Variants in GPC5 observed in about 807,000 individuals in gnomAD.
The protein encoded by GPC5 is glypican-5.
GPC5 carries 47 observed loss-of-function variants against 53.9 expected under a neutral mutation model. That is an observed-to-expected ratio of 0.87 (90% confidence interval 0.69 to 1.11). The LOEUF is 1.11. Ranked by LOEUF, GPC5 falls within the 50% of genes most tolerant of loss-of-function variation. The pLI is 0.00. For synonymous variants in GPC5, 286 were observed against 263.3 expected (o/e 1.09, Z -0.84); for missense variants, 748 against 713.1 (o/e 1.05, Z -0.56).
chr13:92,804,748 G>A (rs1877030395), intron 7 of GPC5, among the ~76,000 whole-genome samples: 1 of 152,026 alleles, frequency 6.6e-6, no homozygotes, highest in African/African-American at 2.4e-5. Context: ...ATATGGTGCT[G>A]TTTCACAGCA....
intron 6 of GPC5, among the ~76,000 whole-genome samples, chr13:92,023,229 T>A (rs1448374043): frequency 2.0e-5 from 3 of 152,004 alleles, no homozygotes; most frequent in African/African-American, 7.2e-5. Flanking sequence ...TCTGGTCAAT[T>A]TTTTTTATAT....
chr13:91,935,211 GA>G (rs769113771), intron 6 of GPC5, among the ~76,000 whole-genome samples: 24 of 152,078 alleles, frequency 1.6e-4, no homozygotes, highest in Admixed American at 2.6e-4. Flanking sequence ...AATCTCATCT[GA>G]ATTGCTAATC....
intron 5 of GPC5, among the ~76,000 whole-genome samples, chr13:91,907,353 T>C (rs1484168895): frequency 6.8e-6 from 1 of 147,532 alleles, no homozygotes; most frequent in Admixed American, 6.9e-5. Context: ...TAATCACTTA[T>C]TACTTGGAGG....
At chr13:92,285,531 AC>A (rs201376030) in intron 7 of GPC5, among the ~76,000 whole-genome samples, 4,293 of 152,308 alleles carry the variant, frequency 0.028, 216 homozygotes, top group African/African-American at 0.098. Context: ...TGGTAGTGGT[AC>A]CACAACAGAG....
intron 2 of GPC5, among the ~76,000 whole-genome samples, chr13:91,467,397 T>G (rs1408452693): frequency 6.6e-6 from 1 of 152,170 alleles, no homozygotes; most frequent in Admixed American, 6.6e-5. Context: ...GGAAGTTAGC[T>G]TGGAGACATG....
intron 2 of GPC5, among the ~76,000 whole-genome samples, chr13:91,542,850 A>ATTTTTT (rs3055888): frequency 4.4e-5 from 3 of 68,228 alleles, no homozygotes; most frequent in African/African-American, 5.3e-5. Context: ...TGCCCAGCCA[A>ATTTTTT]TTTTTTTTTT....
intron 7 of GPC5, among the ~76,000 whole-genome samples, chr13:92,285,818 G>C (rs2042950170): frequency 6.6e-6 from 1 of 152,058 alleles, no homozygotes; most frequent in Non-Finnish European, 1.5e-5. Context: ...CACCATTCAG[G>C]ACATAGGCAT....
chr13:91,723,314 A>G (rs1237251400), intron 3 of GPC5, among the ~76,000 whole-genome samples: 1 of 151,804 alleles, frequency 6.6e-6, no homozygotes, highest in South Asian at 2.1e-4. Context: ...TTTACATTTT[A>G]TATACATTTT....
rs557029429 is a variant in GPC5 at position 91,916,697 on chromosome 13, G to A, written c.1401+8640G>A. ...TGACTCACAGTTGTGCATTGCTGGG[G>A]GGTCCTCAGGAACCTTACAATCATG... is the stretch of plus-strand genomic sequence containing the variant. On this transcript the variant is annotated intron_variant, in intron 6 of 7. Transcript: ENST00000377067. 1.2e-4 allele frequency among the ~76,000 whole-genome samples: 19 copies of A among 152,246 alleles called. No homozygotes were observed. The South Asian group carries it at 3.9e-3, about 32-fold the overall frequency.
rs903153337 is a variant in GPC5, at chr13:91,611,847, C to A, written c.326-81340C>A. On this transcript the variant is annotated intron_variant, in intron 2 of 7. Transcript: ENST00000377067. Reference sequence around the variant, plus strand: ...CAGCTCTCCTGATGCTCTCTTTTTCCTTCCTGATGAGACATACACCTGAAC... The same window carrying A: ...CAGCTCTCCTGATGCTCTCTTTTTCATTCCTGATGAGACATACACCTGAAC... 3.3e-5 allele frequency among the ~76,000 whole-genome samples: 5 copies of A among 152,126 alleles called. No individual in the cohort carries two copies. In the South Asian group the frequency reaches 1.0e-3, roughly 32 times the overall value.
At chr13:91,978,034 T>C (rs1566375125) in intron 6 of GPC5, among the ~76,000 whole-genome samples, 1 of 151,914 alleles carries the variant, frequency 6.6e-6, no homozygotes, top group African/African-American at 2.4e-5. Context: ...ACACTTGTAG[T>C]CCCAGCTACA....
intron 6 of GPC5, among the ~76,000 whole-genome samples, chr13:92,016,727 C>CTTTTTTTTTTTTTTTTTTTTT (rs5805722): frequency 7.0e-6 from 1 of 143,630 alleles, no homozygotes. Flanking sequence ...TTCTTTTCTT[C>CTTTTTTTTTTTTTTTTTTTTT]TTTTTTTTTT....
At chr13:92,751,747 A>AAAAAAT (rs1566400899) in intron 7 of GPC5, among the ~76,000 whole-genome samples, 1 of 69,604 alleles carries the variant, frequency 1.4e-5, no homozygotes, top group East Asian at 2.6e-3. Flanking sequence ...AAAGTATAAA[A>AAAAAAT]AAAAATAAAA....
At chr13:92,082,347 T>C (rs1390403712) in intron 6 of GPC5, among the ~76,000 whole-genome samples, 11 of 152,004 alleles carry the variant, frequency 7.2e-5, no homozygotes, top group Admixed American at 5.9e-4. Flanking sequence ...AGAAATTCTG[T>C]TGGGGACTAA....
In GPC5 at chr13:92,602,651, T is replaced by C. The variant is rs1311316903; in HGVS notation, c.1562-263631T>C. Among the ~76,000 whole-genome samples, 4 of 152,036 alleles carry C rather than the reference T, an allele frequency of 2.6e-5. No homozygotes were observed. In the East Asian group the frequency reaches 7.7e-4, roughly 29 times the overall value. The stretch of plus-strand genomic sequence containing the variant: ...AGTATAGGCCAAAAATGAAAGACGG[T>C]GTGGGATTCTTGAAGGCAGACTATC... On this transcript the variant is annotated intron_variant, in intron 7 of 7. Transcript: ENST00000377067.
intron 7 of GPC5, among the ~76,000 whole-genome samples, chr13:92,699,706 A>C (rs961954484): frequency 1.2e-4 from 19 of 152,270 alleles, no homozygotes; most frequent in Non-Finnish European, 2.6e-4. Context: ...ATTCAGGAGC[A>C]GGTTGTTCAG....
chr13:92,528,421 A>C (rs1881438938), intron 7 of GPC5, among the ~76,000 whole-genome samples: 1 of 152,084 alleles, frequency 6.6e-6, no homozygotes, highest in Admixed American at 6.6e-5. Flanking sequence ...GTGATAAGTC[A>C]ATTTTTATGA....
chr13:91,447,431 T>G (rs1880884434), intron 1 of GPC5, among the ~76,000 whole-genome samples: 1 of 152,136 alleles, frequency 6.6e-6, no homozygotes, highest in South Asian at 2.1e-4. Context: ...TGTTACCTAC[T>G]GTGACACTTA....
At chr13:91,670,136 T>A (rs1218362496) in intron 2 of GPC5, among the ~76,000 whole-genome samples, 1 of 152,178 alleles carries the variant, frequency 6.6e-6, no homozygotes, top group Non-Finnish European at 1.5e-5. Context: ...TAGAAGCATA[T>A]GTTGCCCATT....
Sources: gnomAD v4.1 joint callset for allele counts (sites outside exome capture counted in the v4.1 genomes callset) on GRCh38, gnomAD v4.1.1 for gene constraint, MANE v1.5 for transcripts, NCBI Gene and HGNC (gene_info 2026-07-23, HGNC 2026-07-21) for gene names.